The following RABGAP1L variants were observed in gnomAD, a reference collection of about 807,000 sequenced individuals.
The protein encoded by RABGAP1L is RAB GTPase activating protein 1 like, also known as rab GTPase-activating protein 1-like.
A neutral mutation model predicts 137.7 loss-of-function variants in RABGAP1L; 63 were observed. The observed-to-expected ratio is 0.46, with a 90% CI of 0.37 to 0.56. The LOEUF (loss-of-function observed/expected upper bound fraction) is 0.56. Ranked by LOEUF, RABGAP1L falls within the 20% of genes least tolerant of loss-of-function variation. The pLI is 0.00. For synonymous variants in RABGAP1L, 431 were observed against 433.7 expected, an observed-to-expected ratio of 0.99 and a Z score of 0.08; for missense variants, 1,095 against 1,244.0, an observed-to-expected ratio of 0.88 and a Z score of 1.80.
intron 15 of RABGAP1L, among the ~76,000 whole-genome samples, chr1:174,686,363 CTTCT>C (rs1678457727): frequency 6.6e-6 from 1 of 151,828 alleles, no homozygotes; most frequent in Admixed American, 6.6e-5. Flanking sequence ...TCTTGTTATC[CTTCT>C]TTCTTTGATT....
At chr1:174,519,185 A>AAT (rs946882896) in intron 13 of RABGAP1L, among the ~76,000 whole-genome samples, 22 of 149,882 alleles carry the variant, frequency 1.5e-4, no homozygotes, top group South Asian at 4.2e-4. Flanking sequence ...CCCATGTGTA[A>AAT]ATATATATAT....
chr1:174,219,358 A>T (rs1669583610), intron 2 of RABGAP1L, 63 bp downstream of exon 2: 2 of 1,165,914 alleles, frequency 1.7e-6, no homozygotes, highest in Middle Eastern at 2.9e-4. Context: ...AACTTAGGAG[A>T]TGTGTAAAAT....
intron 14 of RABGAP1L, among the ~76,000 whole-genome samples, chr1:174,656,357 C>T (rs1457765821): frequency 1.3e-5 from 2 of 152,110 alleles, no homozygotes; most frequent in Admixed American, 1.3e-4. Flanking sequence ...ATTTGGAAGG[C>T]TGAGGCAGGA....
At chr1:174,302,497 G>A (rs1677809793) in intron 10 of RABGAP1L, among the ~76,000 whole-genome samples, 1 of 152,194 alleles carries the variant, frequency 6.6e-6, no homozygotes, top group Non-Finnish European at 1.5e-5. Context: ...GGTACTTCAG[G>A]TGAAGAGTTA....
At chr1:174,481,247 A>C (rs74126813) in intron 13 of RABGAP1L, among the ~76,000 whole-genome samples, 5,292 of 152,318 alleles carry the variant, frequency 0.035, 121 homozygotes, top group Middle Eastern at 0.088. Context: ...TACACTAATT[A>C]AAACTCCAGT....
chr1:174,416,019 C>CATACATATATATATATATATATAT (rs1192968896), intron 13 of RABGAP1L, among the ~76,000 whole-genome samples: 1 of 129,050 alleles, frequency 7.7e-6, no homozygotes, highest in African/African-American at 3.7e-5. Flanking sequence ...AGAAAATTTA[C>CATACATATATATATATATATATAT]ATATATATAT....
At chr1:174,713,402 A>G (rs1263214193) in intron 17 of RABGAP1L, among the ~76,000 whole-genome samples, 2 of 152,144 alleles carry the variant, frequency 1.3e-5, no homozygotes, top group Non-Finnish European at 2.9e-5. Context: ...TTGAAGTGTA[A>G]TCTCCATTGC....
chr1:174,542,827 A>G (rs1665596399), intron 13 of RABGAP1L, among the ~76,000 whole-genome samples: 1 of 152,104 alleles, frequency 6.6e-6, no homozygotes, highest in South Asian at 2.1e-4. Context: ...GTACATCTTT[A>G]TTTCTGCCTT....
chr1:174,691,019 A>G (rs1239619023), intron 15 of RABGAP1L, among the ~76,000 whole-genome samples: 5 of 151,802 alleles, frequency 3.3e-5, no homozygotes, highest in Non-Finnish European at 7.4e-5. Flanking sequence ...TTTAGTAGAG[A>G]TGATGTTTCA....
At chr1:174,870,379 G>A (rs1651985215) in intron 19 of RABGAP1L, among the ~76,000 whole-genome samples, 1 of 152,078 alleles carries the variant, frequency 6.6e-6, no homozygotes, top group Admixed American at 6.5e-5. Context: ...ACTAATTATT[G>A]TATTACATGA....
At chr1:174,456,245 T>C (rs1204651562) in intron 13 of RABGAP1L, among the ~76,000 whole-genome samples, 1 of 152,072 alleles carries the variant, frequency 6.6e-6, no homozygotes, top group African/African-American at 2.4e-5. Flanking sequence ...TAGAGGGTAA[T>C]AAAAAATTTA....
chr1:174,919,143 C>T (rs557176004), intron 19 of RABGAP1L, among the ~76,000 whole-genome samples: 8 of 152,166 alleles, frequency 5.3e-5, no homozygotes, highest in South Asian at 4.1e-4. Context: ...CTCAGCCTTC[C>T]GAGTAGCTGG....
intron 13 of RABGAP1L, among the ~76,000 whole-genome samples, chr1:174,587,349 C>T (rs1220260549): frequency 2.0e-5 from 3 of 150,486 alleles, no homozygotes; most frequent in African/African-American, 7.3e-5. Flanking sequence ...TGTTAGATGA[C>T]GAGTTAGTGG....
intron 15 of RABGAP1L, among the ~76,000 whole-genome samples, chr1:174,686,318 G>C (rs753159329): frequency 3.3e-5 from 5 of 151,968 alleles, no homozygotes; most frequent in African/African-American, 1.2e-4. Context: ...TTTTCCCTCT[G>C]TTACATTATT....
At chr1:174,749,842 G>T (rs1684200289) in intron 17 of RABGAP1L, among the ~76,000 whole-genome samples, 1 of 152,058 alleles carries the variant, frequency 6.6e-6, no homozygotes, top group Non-Finnish European at 1.5e-5. Flanking sequence ...AGACAACTTT[G>T]TAGGACCATT....
chr1:174,842,569 A>G (rs1693531542), intron 19 of RABGAP1L, among the ~76,000 whole-genome samples: 1 of 152,190 alleles, frequency 6.6e-6, no homozygotes, highest in South Asian at 2.1e-4. Context: ...AGGTAGCAGT[A>G]TGCTCATTTT....
intron 11 of RABGAP1L, chr1:174,367,952 A>G (rs1450337511): frequency 6.5e-6 from 1 of 153,086 alleles, no homozygotes; most frequent in Non-Finnish European, 1.5e-5. Context: ...AGACATACCA[A>G]TTTTGTCAAG....
intron 10 of RABGAP1L, among the ~76,000 whole-genome samples, chr1:174,284,388 A>G (rs1191332362): frequency 6.6e-6 from 1 of 152,012 alleles, no homozygotes; most frequent in African/African-American, 2.4e-5. Flanking sequence ...AATGCTCTCC[A>G]CCTTTACCCA....
chr1:174,514,622 T>C (rs905226902), intron 13 of RABGAP1L, among the ~76,000 whole-genome samples: 1 of 152,256 alleles, frequency 6.6e-6, no homozygotes, highest in Non-Finnish European at 1.5e-5. Flanking sequence ...TCAGTTTCAC[T>C]GTGGAGTTTT....
Sources: allele counts gnomAD v4.1 joint callset (sites outside exome capture counted in the v4.1 genomes callset), GRCh38; gene constraint gnomAD v4.1.1; transcripts MANE v1.5; gene names NCBI Gene and HGNC (gene_info 2026-07-23, HGNC 2026-07-21).